The following PDE7A variants were observed in gnomAD, a reference collection of about 807,000 sequenced individuals.
PDE7A encodes the protein high affinity 3',5'-cyclic-AMP phosphodiesterase 7A.
Under a neutral mutation model 64.3 loss-of-function variants are expected in PDE7A, and 39 were observed. That is an observed-to-expected ratio of 0.61 (90% CI 0.47 to 0.79). PDE7A has a LOEUF of 0.79. PDE7A is among the 30% of genes least tolerant of loss of function. PDE7A has a pLI of 0.00. For missense variants in PDE7A, 470 were observed against 582.8 expected (o/e 0.81, Z 1.99); for synonymous variants, 203 against 206.8 (o/e 0.98, Z 0.16).
At chr8:65,731,979 T>G (rs910045389) in intron 7 of PDE7A, among the ~76,000 whole-genome samples, 2 of 151,820 alleles carry the variant, frequency 1.3e-5, no homozygotes, top group Non-Finnish European at 2.9e-5. Context: ...TTATTATTAT[T>G]ATTATTATTG....
intron 3 of PDE7A, among the ~76,000 whole-genome samples, chr8:65,754,808 T>C (rs1808144233): frequency 6.7e-6 from 1 of 148,534 alleles, no homozygotes; most frequent in South Asian, 2.2e-4. Context: ...CTACTAAAAA[T>C]ACAAAAATAA....
At chr8:65,807,512 G>T (rs367812077) in intron 1 of PDE7A, among the ~76,000 whole-genome samples, 2 of 135,150 alleles carry the variant, frequency 1.5e-5, no homozygotes, top group African/African-American at 5.0e-5. Context: ...CAATCTGGAT[G>T]TTTTTTTTAT....
chr8:65,776,467 A>G (rs186702047), intron 3 of PDE7A, among the ~76,000 whole-genome samples: 1 of 152,226 alleles, frequency 6.6e-6, no homozygotes, highest in Non-Finnish European at 1.5e-5. Context: ...ATTTCACTAA[A>G]CCTATACAGA....
At chr8:65,727,004 G>C in intron 8 of PDE7A, 38 bp from the exon 9 acceptor site, 3 of 1,175,236 alleles carry the variant, frequency 2.6e-6, no homozygotes, top group African/African-American at 3.0e-5. Context: ...TTAATGATAC[G>C]TCTCTTTCTG....
intron 1 of PDE7A, among the ~76,000 whole-genome samples, chr8:65,813,883 G>A (rs1364004221): frequency 6.6e-6 from 1 of 152,060 alleles, no homozygotes; most frequent in African/African-American, 2.4e-5. Flanking sequence ...TTCTTCAACT[G>A]TCAATAGCTT....
At chr8:65,755,550 G>A (rs1808189517) in intron 3 of PDE7A, among the ~76,000 whole-genome samples, 1 of 152,052 alleles carries the variant, frequency 6.6e-6, no homozygotes, top group South Asian at 2.1e-4. Context: ...CCTTCCTATT[G>A]TTATTATCAC....
chr8:65,809,502 G>A (rs1810194474), intron 1 of PDE7A, among the ~76,000 whole-genome samples: 2 of 152,142 alleles, frequency 1.3e-5, no homozygotes, highest in Admixed American at 1.3e-4. Context: ...AGCCAAGAAA[G>A]CTATAGATTG....
At chr8:65,729,547 T>C (rs1192641236) in intron 7 of PDE7A, among the ~76,000 whole-genome samples, 2 of 152,094 alleles carry the variant, frequency 1.3e-5, no homozygotes, top group African/African-American at 2.4e-5. Context: ...TTATTTTTCC[T>C]AATGATGCTA....
intron 3 of PDE7A, among the ~76,000 whole-genome samples, chr8:65,760,229 C>T (rs773525038): frequency 2.0e-5 from 3 of 152,114 alleles, no homozygotes; most frequent in Admixed American, 6.6e-5. Context: ...AAGAGTGAGA[C>T]TCCTCAAAAC....
chr8:65,792,293 C>T (rs532213647), intron 1 of PDE7A, among the ~76,000 whole-genome samples: 1 of 152,216 alleles, frequency 6.6e-6, no homozygotes, highest in Admixed American at 6.5e-5. Context: ...AACTTTTTAC[C>T]TTTCTGGGGT....
At chr8:65,819,351 C>A (rs1255247852) in intron 1 of PDE7A, among the ~76,000 whole-genome samples, 1 of 152,196 alleles carries the variant, frequency 6.6e-6, no homozygotes, top group Non-Finnish European at 1.5e-5. Flanking sequence ...GAGCCCGGAC[C>A]ACACCACTGC....
chr8:65,835,789 G>A (rs905257746), intron 1 of PDE7A, among the ~76,000 whole-genome samples: 22 of 152,270 alleles, frequency 1.4e-4, no homozygotes, highest in Middle Eastern at 3.4e-3. Flanking sequence ...TACAGCTGAT[G>A]GAACTCTAGG....
chr8:65,839,236 GT>G (rs547358843), intron 1 of PDE7A, among the ~76,000 whole-genome samples: 24 of 151,410 alleles, frequency 1.6e-4, no homozygotes, highest in Non-Finnish European at 2.8e-4. Context: ...AAAAAAAAGG[GT>G]TTTTTTTCCT....
chr8:65,798,206 A>ATATTTTTTTTTTTTT, intron 1 of PDE7A, among the ~76,000 whole-genome samples: 1 of 73,836 alleles, frequency 1.4e-5, no homozygotes, highest in African/African-American at 5.8e-5. Context: ...ATATATATAT[A>ATATTTTTTTTTTTTT]TTTTTTTTTT....
chr8:65,813,637 AGAAT>A (rs1161474180), intron 1 of PDE7A, among the ~76,000 whole-genome samples: 1 of 152,262 alleles, frequency 6.6e-6, no homozygotes, highest in African/African-American at 2.4e-5. Flanking sequence ...TTAGACTAAA[AGAAT>A]GAATCAAGCA....
chr8:65,726,040 C>T (rs1806595009), intron 9 of PDE7A, among the ~76,000 whole-genome samples: 1 of 152,102 alleles, frequency 6.6e-6, no homozygotes, highest in South Asian at 2.1e-4. Flanking sequence ...TTACACAAAA[C>T]AGTTTTTTAT....
At chr8:65,839,343 T>C (rs925966158) in intron 1 of PDE7A, among the ~76,000 whole-genome samples, 2 of 128,106 alleles carry the variant, frequency 1.6e-5, no homozygotes, top group East Asian at 1.9e-4. Flanking sequence ...AAGCATTTGA[T>C]TAACCAAATG....
At chr8:65,834,985 T>C (rs1810918717) in intron 1 of PDE7A, among the ~76,000 whole-genome samples, 1 of 152,152 alleles carries the variant, frequency 6.6e-6, no homozygotes, top group Non-Finnish European at 1.5e-5. Context: ...TGAATGCAAA[T>C]ATGCAAAAGT....
chr8:65,762,439 C>G (rs1808545676), intron 3 of PDE7A, among the ~76,000 whole-genome samples: 1 of 152,104 alleles, frequency 6.6e-6, no homozygotes, highest in African/African-American at 2.4e-5. Flanking sequence ...GGCAGAGCAG[C>G]AAAGTACATG....
Sources: gnomAD v4.1 joint callset for allele counts (sites outside exome capture counted in the v4.1 genomes callset) on GRCh38, gnomAD v4.1.1 for gene constraint, MANE v1.5 for transcripts, NCBI Gene and HGNC (gene_info 2026-07-23, HGNC 2026-07-21) for gene names.